Variants in LRP5 observed in about 807,000 individuals in gnomAD.
LRP5 encodes the protein LDL receptor related protein 5.
A neutral mutation model predicts 154.1 loss-of-function variants in LRP5; 62 were observed. That is an observed-to-expected ratio of 0.40 (90% CI 0.33 to 0.50). The LOEUF (loss-of-function observed/expected upper bound fraction) is 0.50, where lower values mean the gene tolerates loss of function less well. LRP5 is among the 20% of genes least tolerant of loss of function. LRP5 has a pLI of 0.55. For synonymous variants in LRP5, 966 were observed against 1,011.5 expected, an observed-to-expected ratio of 0.96 and a Z score of 0.85; for missense variants, 1,915 against 2,336.7, an observed-to-expected ratio of 0.82 and a Z score of 3.72.
chr11:68,435,319 G>A (rs1190246611), intron 18 of LRP5, among the ~76,000 whole-genome samples: 1 of 152,200 alleles, frequency 6.6e-6, no homozygotes, highest in Non-Finnish European at 1.5e-5. Flanking sequence ...ACCTGAGGCC[G>A]GGTAGATTAT....
At chr11:68,349,630 T>C (rs2098616612) in intron 2 of LRP5, among the ~76,000 whole-genome samples, 1 of 152,148 alleles carries the variant, frequency 6.6e-6, no homozygotes, top group South Asian at 2.1e-4. Flanking sequence ...CCTTGAAGGC[T>C]CAGGGCCTGG....
At chr11:68,317,169 C>T (rs1267314980) in intron 1 of LRP5, among the ~76,000 whole-genome samples, 3 of 152,240 alleles carry the variant, frequency 2.0e-5, no homozygotes, top group Non-Finnish European at 4.4e-5. Context: ...CCGGCTGGCT[C>T]CGGCTGCTCT....
rs982427534 is a variant in LRP5, at chr11:68,447,354, C to T, written c.4586+821C>T. ...CCACGCATTCCTCATTGCTTGGGTC[C>T]CTGGAGCAGCAGGGCCTCCCGAGTG... On this transcript the variant is annotated intron_variant, in intron 22 of 22. Transcript: ENST00000294304. The surrounding 1 kb of genome is among the most constrained non-coding windows in gnomAD (Gnocchi z 4.3). Among the ~76,000 whole-genome samples, 12 of 152,324 alleles carry T rather than the reference C, an allele frequency of 7.9e-5. No homozygotes were observed. The South Asian group carries it at 2.5e-3, about 32-fold the overall frequency.
chr11:68,381,619 G>T (rs1346844458), intron 5 of LRP5, among the ~76,000 whole-genome samples: 2 of 152,186 alleles, frequency 1.3e-5, no homozygotes, highest in Non-Finnish European at 2.9e-5. Flanking sequence ...CGAGGGGAAG[G>T]TTTCACTTTC....
chr11:68,357,104 G>T (rs1293538829), intron 2 of LRP5, among the ~76,000 whole-genome samples: 2 of 151,842 alleles, frequency 1.3e-5, no homozygotes, highest in Non-Finnish European at 2.9e-5. Flanking sequence ...CCTGGCTAAT[G>T]TTTTGTATTT....
chr11:68,416,228 G>A (rs1388725879), intron 12 of LRP5, 100 bp from the exon 13 acceptor site: 10 of 1,022,076 alleles, frequency 9.8e-6, no homozygotes, highest in Non-Finnish European at 1.5e-5. Context: ...CAGCGGGGCA[G>A]ATGCTGAGCC....
rs192132782 is a variant in LRP5, at chr11:68,349,291, C to A, written c.488+1048C>A. On this transcript the variant is annotated intron_variant, in intron 2 of 22. Coordinates refer to ENST00000294304, the MANE Select transcript of LRP5 (RefSeq NM_002335.4). ...CAGGTGATCCACCCACCTCGGCCTC[C>A]CAAAGTGCTGGGATTACAGACGTGA... Among the ~76,000 whole-genome samples the A allele has an allele frequency of 5.7e-3, 861 of 152,134 alleles. 7 individuals carry two copies. Among genetic ancestry groups the A allele is most frequent in the Middle Eastern group, 0.014 (4 of 294 alleles).
chr11:68,358,823 G>A (rs2098625363), intron 3 of LRP5, among the ~76,000 whole-genome samples: 1 of 152,208 alleles, frequency 6.6e-6, no homozygotes, highest in South Asian at 2.1e-4. Context: ...CACTAACCAA[G>A]TGCTGCCTGC....
At position 68,413,918 on chromosome 11, in the gene LRP5, G is replaced by T. The variant is rs1349076712; in HGVS notation, c.2733G>T (p.Gly911=). Residue 911 remains glycine, a synonymous_variant, in exon 12 of 23, where the codon GGG becomes GGT. Transcript: ENST00000294304. This position sits in a 1 kb window ranked among gnomAD's most constrained non-coding sequence, Gnocchi z 5.1. ...TCAATGACTGTATGCACAACAACGG[G>T]CAGTGTGGGCAGCTGTGCCTTGCCA... ...DGLNDCMHNN[G]QCGQLCLAIP... is the part of the protein sequence containing the mutation. 4.3e-6 allele frequency: 7 copies of T among 1,612,072 alleles called. No homozygotes were observed. The highest frequency in any genetic ancestry group is 5.9e-6 in the Non-Finnish European group (7 of 1,180,022).
rs58477287 is a variant in LRP5, at chr11:68,344,849, CTTTTTTTTTT to C, written c.92-2977_92-2968del. Among the ~76,000 whole-genome samples the C allele has an allele frequency of 8.0e-3, 522 of 65,508 alleles. 2 individuals are homozygous for C. The highest frequency in any genetic ancestry group is 0.029 in the African/African-American group (471 of 16,146). The allele number at this position is 65,508 out of a possible 152,430, so 43.0% of individuals were successfully genotyped here. On this transcript the variant is annotated intron_variant, in intron 1 of 22. Transcript: ENST00000294304. ...TTGTAGCATGTGTCAGAATCTCTCT[CTTTTTTTTTT>C]TTTTTTTTTTTTTTTTTTTTGCAGA...
intron 18 of LRP5, among the ~76,000 whole-genome samples, chr11:68,434,351 T>A (rs1398025599): frequency 4.1e-4 from 1 of 2,464 alleles, no homozygotes; most frequent in African/African-American, 5.6e-4. Flanking sequence ...TGAGTTTTCT[T>A]TCATTCATTC....
rs1355851257 is a variant in LRP5, at chr11:68,312,612, C to G, written c.-103C>G. 2.6e-6 allele frequency: 1 copy of G among 392,074 alleles called. No homozygotes were observed. The highest frequency in any genetic ancestry group is 3.5e-6 in the Non-Finnish European group (1 of 288,666). The allele number at this position is 392,074 out of a possible 1,614,324, so 24.3% of individuals were successfully genotyped here. On this transcript the variant is annotated 5_prime_UTR_variant, in exon 1 of 23. Coordinates refer to ENST00000294304, the MANE Select transcript of LRP5 (RefSeq NM_002335.4). ...CCCCGTCGTCCTGGTCCGCGGCGCC[C>G]GAGGGGGGAGGCGGAGGCGCCGGGA...
At chr11:68,324,309 G>A (rs973015546) in intron 1 of LRP5, among the ~76,000 whole-genome samples, 5 of 152,268 alleles carry the variant, frequency 3.3e-5, no homozygotes, top group African/African-American at 1.2e-4. Flanking sequence ...ACCTAGTGGG[G>A]TGGGATAGTG....
chr11:68,363,252 C>T (rs1319866018), intron 3 of LRP5, among the ~76,000 whole-genome samples: 3 of 152,178 alleles, frequency 2.0e-5, no homozygotes, highest in Admixed American at 1.3e-4. Flanking sequence ...TGGGGGAGCC[C>T]GTGTGTCACC....
intron 5 of LRP5, among the ~76,000 whole-genome samples, chr11:68,371,533 A>G (rs529197939): frequency 6.6e-6 from 1 of 152,212 alleles, no homozygotes; most frequent in Non-Finnish European, 1.5e-5. Flanking sequence ...TGTTTTGTTA[A>G]AAGACCACAG....
intron 5 of LRP5, among the ~76,000 whole-genome samples, chr11:68,374,155 G>A (rs2098636016): frequency 6.6e-6 from 1 of 152,196 alleles, no homozygotes; most frequent in Admixed American, 6.5e-5. Flanking sequence ...AGGAACAGAG[G>A]GGGCCACTGT....
In LRP5 at chr11:68,413,957, C is replaced by T. The variant is rs749482837; in HGVS notation, c.2772C>T (p.His924=). ...TGTGCCTTGCCATCCCCGGCGGCCA[C>T]CGCTGCGGCTGCGCCTCACACTACA... ...GQLCLAIPGG[H]RCGCASHYTL... is the part of the protein sequence containing the mutation. The change falls in exon 12 of 23, where the codon CAC becomes CAT. Residue 924 remains histidine, a synonymous_variant. Transcript: ENST00000294304. The surrounding 1 kb of genome is among the most constrained non-coding windows in gnomAD (Gnocchi z 5.1). 21 of 1,608,378 alleles carry T rather than the reference C, an allele frequency of 1.3e-5. No individual in the cohort carries two copies. The highest frequency in any genetic ancestry group is 8.0e-5 in the African/African-American group (6 of 74,920).
chr11:68,432,471 A>G (rs1287089745), intron 17 of LRP5, among the ~76,000 whole-genome samples: 2 of 152,140 alleles, frequency 1.3e-5, no homozygotes, highest in Admixed American at 1.3e-4. Flanking sequence ...CTCGTCTTTG[A>G]TCAGGCCCCC....
intron 1 of LRP5, among the ~76,000 whole-genome samples, chr11:68,327,471 A>T (rs2098600373): frequency 6.6e-6 from 1 of 152,224 alleles, no homozygotes; most frequent in Admixed American, 6.5e-5. Flanking sequence ...AAAGATATGC[A>T]GTGGTCTTTC....
Sources: gnomAD v4.1 joint callset for allele counts (sites outside exome capture counted in the v4.1 genomes callset) on GRCh38, gnomAD v4.1.1 for gene constraint, Gnocchi (gnomAD v3.1) non-coding constraint, MANE v1.5 for transcripts, NCBI Gene and HGNC (gene_info 2026-07-23, HGNC 2026-07-21) for gene names.